ARHGAP26: variants seen among roughly 807,000 people sequenced by gnomAD.
The protein encoded by ARHGAP26 is rho GTPase-activating protein 26.
A neutral mutation model predicts 104.8 loss-of-function variants in ARHGAP26; 38 were observed. The ratio of observed to expected loss-of-function variants is 0.36; its 90% CI spans 0.28 to 0.48. The LOEUF (loss-of-function observed/expected upper bound fraction) is 0.48. Among genes scored for constraint, ARHGAP26 ranks in the 20% least tolerant of loss-of-function variants. The probability of loss-of-function intolerance (pLI) is 0.99; values close to 1 mark genes in which losing one functional copy is unlikely to be tolerated. For missense variants in ARHGAP26, 704 were observed against 947.9 expected (o/e 0.74, Z 3.38); for synonymous variants, 341 against 340.0 (o/e 1.00, Z -0.03).
At chr5:143,089,449 T>C (rs1366828750) in intron 17 of ARHGAP26, among the ~76,000 whole-genome samples, 2 of 152,262 alleles carry the variant, frequency 1.3e-5, no homozygotes, top group Non-Finnish European at 2.9e-5. Context: ...GCTAACTCAT[T>C]GGACAGAGCA....
At chr5:143,136,600 A>C (rs541829375) in intron 19 of ARHGAP26, among the ~76,000 whole-genome samples, 20 of 152,274 alleles carry the variant, frequency 1.3e-4, no homozygotes, top group Admixed American at 1.2e-3. Context: ...TACTATCCAA[A>C]CCGGCATGGA....
At chr5:142,975,936 C>A (rs947515706) in intron 11 of ARHGAP26, among the ~76,000 whole-genome samples, 2 of 152,234 alleles carry the variant, frequency 1.3e-5, no homozygotes, top group African/African-American at 4.8e-5. Flanking sequence ...ACTGCTTTGT[C>A]TGGTGCTCAG....
intron 1 of ARHGAP26, among the ~76,000 whole-genome samples, chr5:142,839,604 C>G (rs1308642071): frequency 6.6e-6 from 1 of 151,922 alleles, no homozygotes; most frequent in Non-Finnish European, 1.5e-5. Context: ...TGAGGTAGAC[C>G]AAAGAGAGAC....
intron 12 of ARHGAP26, among the ~76,000 whole-genome samples, chr5:143,025,425 G>A (rs919350005): frequency 2.1e-4 from 32 of 152,234 alleles, no homozygotes; most frequent in African/African-American, 7.5e-4. Flanking sequence ...ACCTTGATGG[G>A]CAGAGGCAGT....
At chr5:142,990,580 C>A (rs547640656) in intron 11 of ARHGAP26, among the ~76,000 whole-genome samples, 1 of 152,180 alleles carries the variant, frequency 6.6e-6, no homozygotes, top group African/African-American at 2.4e-5. Flanking sequence ...TGGTTTCTCC[C>A]CATCTTTGTG....
intron 17 of ARHGAP26, among the ~76,000 whole-genome samples, chr5:143,084,746 C>T (rs1051593479): frequency 2.1e-4 from 32 of 152,010 alleles, no homozygotes; most frequent in African/African-American, 6.5e-4. Flanking sequence ...CCAACATCTC[C>T]GTTAGAAATA....
chr5:142,992,317 A>T (rs1373470186), intron 11 of ARHGAP26, among the ~76,000 whole-genome samples: 1 of 152,124 alleles, frequency 6.6e-6, no homozygotes, highest in Non-Finnish European at 1.5e-5. Flanking sequence ...TATTCCTCCA[A>T]ATGATTTTTA....
intron 17 of ARHGAP26, among the ~76,000 whole-genome samples, chr5:143,109,795 TA>T (rs1794542751): frequency 6.6e-6 from 1 of 152,178 alleles, no homozygotes; most frequent in Non-Finnish European, 1.5e-5. Flanking sequence ...ATTTAGGTCT[TA>T]GTTGAGACCT....
At chr5:143,048,010 C>A (rs1467840114) in intron 14 of ARHGAP26, among the ~76,000 whole-genome samples, 1 of 151,888 alleles carries the variant, frequency 6.6e-6, no homozygotes, top group African/African-American at 2.4e-5. Context: ...CCACACCAGG[C>A]TAACTTTTGT....
At chr5:143,041,762 C>T in intron 13 of ARHGAP26, 54 bp from the exon 14 acceptor site, 2 of 1,378,554 alleles carry the variant, frequency 1.5e-6, no homozygotes, top group Non-Finnish European at 2.0e-6. Flanking sequence ...CTGGATTGGC[C>T]TGACTTGTGT....
rs754744879 is a variant in ARHGAP26 at position 142,903,549 on chromosome 5, C to T, written c.712C>T (p.Arg238Cys). ...ATTATTTTCATCCTAGACAAGAAAT[C>T]GCTTTGAAGGCACTAGATCAGAAGT... ...LTISIQNTRN[R>C]FEGTRSEVES... The change falls in exon 8 of 23, where the codon CGC becomes TGC. Residue 238 changes from arginine to cysteine, a missense_variant. By Grantham distance (180) the Arg-to-Cys change is radical. This residue lies in a region of ARHGAP26 where 287 missense variants were observed against 438.8 expected (regional missense o/e 0.65). Transcript: ENST00000645722. 34 of 1,611,054 alleles carry T rather than the reference C, an allele frequency of 2.1e-5. No homozygotes were observed. The highest frequency in any genetic ancestry group is 3.3e-5 in the South Asian group (3 of 90,352).
rs569429638 is a variant in ARHGAP26, at chr5:143,073,030, TA to T, written c.1538+15290del. Among the ~76,000 whole-genome samples, 8 of 152,270 alleles carry T rather than the reference TA, an allele frequency of 5.3e-5. 1 individual carries two copies. The South Asian group carries it at 1.5e-3, about 28-fold the overall frequency. ...ATATGTACAATTATAATTTGTCCAT[TA>T]AAAAAATAAAATTTAAAGAAGAAAT... On this transcript the variant is annotated intron_variant, in intron 17 of 22. Coordinates refer to ENST00000645722, the MANE Select transcript of ARHGAP26 (RefSeq NM_001135608.3).
chr5:142,835,299 G>C (rs1395816403), intron 1 of ARHGAP26, among the ~76,000 whole-genome samples: 1 of 152,206 alleles, frequency 6.6e-6, no homozygotes, highest in Non-Finnish European at 1.5e-5. Context: ...ACCCATCAGA[G>C]ATAGAATTTA....
intron 11 of ARHGAP26, among the ~76,000 whole-genome samples, chr5:143,001,167 A>C (rs750277254): frequency 6.6e-6 from 1 of 152,106 alleles, no homozygotes; most frequent in Non-Finnish European, 1.5e-5. Flanking sequence ...TTGCCAGTGC[A>C]TGGGGTGTGT....
chr5:143,194,587 A>T lies in ARHGAP26; in HGVS notation c.1989-12611A>T, dbSNP rs892903081. 9.9e-5 allele frequency among the ~76,000 whole-genome samples: 15 copies of T among 152,134 alleles called. No homozygotes were observed. The East Asian group carries it at 1.4e-3, about 14-fold the overall frequency. On this transcript the variant is annotated intron_variant, in intron 20 of 22. Transcript: ENST00000645722. ...ACCTCAGATTTGGAAAAAAAAAAAAATTTTGTGAGATCAGAATTGTGTTTT... is the reference window on the plus strand; with the variant it reads ...ACCTCAGATTTGGAAAAAAAAAAAATTTTTGTGAGATCAGAATTGTGTTTT...
chr5:142,808,135 T>C (rs1351733584), intron 1 of ARHGAP26, among the ~76,000 whole-genome samples: 7 of 144,348 alleles, frequency 4.8e-5, no homozygotes, highest in African/African-American at 1.5e-4. Context: ...CTCGGGAGGC[T>C]GAGGCGGGAG....
chr5:142,922,270 TATGTG>T (rs997883575), intron 10 of ARHGAP26, among the ~76,000 whole-genome samples: 1 of 152,180 alleles, frequency 6.6e-6, no homozygotes, highest in African/African-American at 2.4e-5. Flanking sequence ...TGACTGAGAT[TATGTG>T]TTTTCCAAAA....
Position 143,186,522 on chromosome 5 carries a change from C to T in ARHGAP26, c.1989-20676C>T, listed in dbSNP as rs182623707. Among the ~76,000 whole-genome samples, 6 of 152,316 alleles carry T rather than the reference C, an allele frequency of 3.9e-5. No individual in the cohort carries two copies. In the East Asian group the frequency reaches 7.7e-4, roughly 20 times the overall value. ...AACATCAAGCCTCTCTTTGATAACACCAGCTTTTCTTTGAGCAAACCAATG... is the reference window on the plus strand; with the variant it reads ...AACATCAAGCCTCTCTTTGATAACATCAGCTTTTCTTTGAGCAAACCAATG... On this transcript the variant is annotated intron_variant, in intron 20 of 22. Coordinates refer to ENST00000645722, the MANE Select transcript of ARHGAP26 (RefSeq NM_001135608.3).
chr5:143,184,016 C>A (rs959749807), intron 20 of ARHGAP26, among the ~76,000 whole-genome samples: 1 of 152,146 alleles, frequency 6.6e-6, no homozygotes, highest in African/African-American at 2.4e-5. Context: ...GAAACTCTGA[C>A]CCTTGAATAA....
Sources: gnomAD v4.1 joint callset for allele counts (sites outside exome capture counted in the v4.1 genomes callset) on GRCh38, gnomAD v4.1.1 for gene constraint, gnomAD v4.1.1 regional missense constraint, MANE v1.5 for transcripts, NCBI Gene and HGNC (gene_info 2026-07-23, HGNC 2026-07-21) for gene names.